The following OSBPL1A variants were observed in gnomAD, a reference collection of about 807,000 sequenced individuals.
The protein encoded by OSBPL1A is oxysterol binding protein like 1A.
Under a neutral mutation model 137.1 loss-of-function variants are expected in OSBPL1A, and 80 were observed. The observed-to-expected ratio is 0.58, with a 90% confidence interval of 0.49 to 0.70. The LOEUF (loss-of-function observed/expected upper bound fraction) is 0.70. Among genes scored for constraint, OSBPL1A ranks in the 30% least tolerant of loss-of-function variants. The pLI, the probability that OSBPL1A is intolerant of heterozygous loss-of-function variation, is 0.00. For synonymous variants in OSBPL1A, 365 were observed against 389.7 expected (o/e 0.94, Z 0.75); for missense variants, 970 against 1,129.4 (o/e 0.86, Z 2.02).
chr18:24,291,892 A>C (rs530932777), intron 14 of OSBPL1A, among the ~76,000 whole-genome samples: 253 of 152,018 alleles, frequency 1.7e-3, no homozygotes, highest in African/African-American at 5.8e-3. Context: ...GTCTCTACTA[A>C]AAAATAAAAA....
At position 24,162,951 on chromosome 18, in the gene OSBPL1A, T is replaced by C; in HGVS notation, c.*228A>G. Reference sequence around the variant, plus strand: ...AGTGTTCTCTTACCTCTATATAAAATAGTATTCCAAATAAGTACATTTTAT... The same window carrying C: ...AGTGTTCTCTTACCTCTATATAAAACAGTATTCCAAATAAGTACATTTTAT... On this transcript the variant is annotated 3_prime_UTR_variant, in exon 28 of 28. Coordinates refer to ENST00000319481, the MANE Select transcript of OSBPL1A (RefSeq NM_080597.4). The C allele has an allele frequency of 2.6e-6, 1 of 378,248 alleles. No individual in the cohort carries two copies. Among genetic ancestry groups the C allele is most frequent in the Non-Finnish European group, 4.8e-6 (1 of 206,690 alleles). The allele number at this position is 378,248 out of a possible 1,614,324, so 23.4% of individuals were successfully genotyped here. A position where few individuals can be genotyped will look rare whatever the true frequency, so the allele number is the denominator to read the frequency against.
chr18:24,194,839 G>A (rs60779375), intron 18 of OSBPL1A, among the ~76,000 whole-genome samples: 2,524 of 152,226 alleles, frequency 0.017, 55 homozygotes, highest in African/African-American at 0.057. Flanking sequence ...GCGGGAGAGC[G>A]GGGATTAGAT....
At chr18:24,388,800 C>CAAAAAAAAA (rs57143270) in intron 1 of OSBPL1A, among the ~76,000 whole-genome samples, 1 of 82,834 alleles carries the variant, frequency 1.2e-5, no homozygotes, top group Non-Finnish European at 2.4e-5. Flanking sequence ...GACTCTGTCT[C>CAAAAAAAAA]AAAAAAAAAA....
rs1233264916 is a variant in OSBPL1A, at chr18:24,250,174, G to GTTTTTTTTT, written c.1282-10793_1282-10792insAAAAAAAAA. ...TGTGTTTTTGTTTGTTTGTTTGTTT[G>GTTTTTTTTT]TTTGTTTGTTTGTTTTTTTTGACAT... is the stretch of plus-strand genomic sequence containing the variant. On this transcript the variant is annotated intron_variant, in intron 15 of 27. Coordinates refer to ENST00000319481, the MANE Select transcript of OSBPL1A (RefSeq NM_080597.4). Among the ~76,000 whole-genome samples, 36 of 75,338 alleles carry GTTTTTTTTT rather than the reference G, an allele frequency of 4.8e-4. 3 individuals are homozygous for GTTTTTTTTT. The highest frequency in any genetic ancestry group is 6.9e-4 in the Admixed American group (4 of 5,788). The allele number at this position is 75,338 out of a possible 152,430, so 49.4% of individuals were successfully genotyped here.
At chr18:24,383,148 T>C (rs1050946835) in intron 1 of OSBPL1A, among the ~76,000 whole-genome samples, 5 of 44,144 alleles carry the variant, frequency 1.1e-4, no homozygotes, top group African/African-American at 8.0e-4. Flanking sequence ...CTGGAAAATG[T>C]TAAGTTATTA....
chr18:24,271,644 G>A lies in OSBPL1A; in HGVS notation c.1281+9198C>T, dbSNP rs1328419539. The stretch of plus-strand genomic sequence containing the variant: ...TACCTGGGCCAGATCCGAGGACCCC[G>A]GCTGGCGCGCTCCACCCTGCGCTCC... On this transcript the variant is annotated intron_variant, in intron 15 of 27. Coordinates refer to ENST00000319481, the MANE Select transcript of OSBPL1A (RefSeq NM_080597.4). The surrounding 1 kb of genome is among the most constrained non-coding windows in gnomAD (Gnocchi z 4.0). 1.0e-6 allele frequency: 1 copy of A among 985,652 alleles called. No homozygotes were observed. The highest frequency in any genetic ancestry group is 1.7e-5 in the African/African-American group (1 of 57,260). 61.1% of individuals were successfully genotyped at this position (985,652 alleles called of 1,614,324 possible).
At chr18:24,266,208 T>C (rs1567987152) in intron 15 of OSBPL1A, among the ~76,000 whole-genome samples, 2 of 152,158 alleles carry the variant, frequency 1.3e-5, no homozygotes. Flanking sequence ...AGTTCTATCA[T>C]TTATGCCTTC....
At position 24,239,247 on chromosome 18, in the gene OSBPL1A, C is replaced by T. The variant is rs962666831; in HGVS notation, c.1417G>A (p.Glu473Lys). The T allele has an allele frequency of 9.3e-6, 15 of 1,613,908 alleles. No homozygotes were observed. The highest frequency in any genetic ancestry group is 8.0e-5 in the African/African-American group (6 of 74,914). ...KGSPPASILSEDEFYDALSDS... is the reference protein window; with the variant it reads ...KGSPPASILSKDEFYDALSDS... ...GACAGCGCATCATAGAACTCGTCCT[C>T]GCTAAGGATGCTGGCGGGTGGAGAG... Residue 473 changes from glutamate (E) to lysine (K), a missense_variant, in exon 16 of 28, where the codon GAG becomes AAG. Transcript: ENST00000319481.
At chr18:24,378,381 TCAG>T (rs1297102167) in intron 1 of OSBPL1A, among the ~76,000 whole-genome samples, 2 of 152,202 alleles carry the variant, frequency 1.3e-5, no homozygotes, top group Non-Finnish European at 2.9e-5. Flanking sequence ...CAGGTGGAGA[TCAG>T]CAATTTGGCA....
chr18:24,185,950 C>T lies in OSBPL1A; in HGVS notation c.1678-4671G>A, dbSNP rs561458035. Among the ~76,000 whole-genome samples the T allele has an allele frequency of 7.2e-5, 11 of 152,182 alleles. No homozygotes were observed. In the South Asian group the frequency reaches 8.3e-4, roughly 11 times the overall value. On this transcript the variant is annotated intron_variant, in intron 18 of 27. Transcript: ENST00000319481. ...AAGTGTGGGGGCGTGCATCTGTAGT[C>T]CCAGCTTCTTGGGAGGCCGAGGCAG...
intron 17 of OSBPL1A, among the ~76,000 whole-genome samples, chr18:24,202,766 T>C (rs1433521545): frequency 6.6e-6 from 1 of 152,172 alleles, no homozygotes; most frequent in Non-Finnish European, 1.5e-5. Flanking sequence ...AAAAAAGCAA[T>C]TCATTATTAA....
intron 1 of OSBPL1A, among the ~76,000 whole-genome samples, chr18:24,389,798 C>T (rs1318963105): frequency 6.6e-6 from 1 of 151,898 alleles, no homozygotes. Context: ...AAAACTTAGC[C>T]AGGTATGGTG....
chr18:24,310,495 G>A (rs1441775577), intron 13 of OSBPL1A, among the ~76,000 whole-genome samples: 6 of 148,438 alleles, frequency 4.0e-5, no homozygotes, highest in African/African-American at 7.5e-5. Flanking sequence ...CCAGCTACTC[G>A]GCAGGCTGAG....
At chr18:24,234,528 G>GT (rs1450537375) in intron 16 of OSBPL1A, among the ~76,000 whole-genome samples, 1 of 152,110 alleles carries the variant, frequency 6.6e-6, no homozygotes, top group Non-Finnish European at 1.5e-5. Flanking sequence ...CGATCCCAGG[G>GT]GGGACGCCAG....
chr18:24,377,359 C>CAGACTCAA, intron 2 of OSBPL1A, 54 bp downstream of exon 2: 1 of 1,530,210 alleles, frequency 6.5e-7, no homozygotes. Context: ...TAAATAAATG[C>CAGACTCAA]TAAGAGTAGT....
intron 1 of OSBPL1A, among the ~76,000 whole-genome samples, chr18:24,381,223 G>C (rs186816706): frequency 1.8e-4 from 27 of 152,216 alleles, no homozygotes; most frequent in Non-Finnish European, 1.0e-4. Context: ...AGGGTCAGTG[G>C]GTGGAAAAGT....
chr18:24,230,617 T>G (rs1196563025), intron 16 of OSBPL1A, among the ~76,000 whole-genome samples: 1 of 152,184 alleles, frequency 6.6e-6, no homozygotes, highest in Non-Finnish European at 1.5e-5. Flanking sequence ...AAGGAAGGTA[T>G]TTTTACAATA....
At chr18:24,346,937 A>T (rs1350672277) in intron 4 of OSBPL1A, among the ~76,000 whole-genome samples, 2 of 148,118 alleles carry the variant, frequency 1.4e-5, no homozygotes, top group African/African-American at 5.0e-5. Context: ...TTTTGTAGAG[A>T]CAGGGTCTTG....
At chr18:24,377,557 A>T (rs776015396) in intron 1 of OSBPL1A, 22 bp from the exon 2 acceptor site, 1 of 1,568,504 alleles carries the variant, frequency 6.4e-7, no homozygotes, top group South Asian at 1.2e-5. Flanking sequence ...AAATAATAAC[A>T]TTGCTATTAT....
Sources: gnomAD v4.1 joint callset for allele counts (sites outside exome capture counted in the v4.1 genomes callset) on GRCh38, gnomAD v4.1.1 for gene constraint, Gnocchi (gnomAD v3.1) non-coding constraint, MANE v1.5 for transcripts, NCBI Gene and HGNC (gene_info 2026-07-23, HGNC 2026-07-21) for gene names.